COL19A1: variants seen among roughly 807,000 people sequenced by gnomAD.
COL19A1 encodes the protein collagen alpha-1(XIX) chain.
In COL19A1, 159 loss-of-function variants were observed where a neutral mutation model predicts 190.2. That is an observed-to-expected ratio of 0.84 (90% CI 0.73 to 0.95). The LOEUF (loss-of-function observed/expected upper bound fraction) is 0.95. COL19A1 is among the 40% of genes least tolerant of loss of function. The probability of loss-of-function intolerance (pLI) is 0.00; values close to 1 mark genes in which losing one functional copy is unlikely to be tolerated. For missense variants in COL19A1, 1,418 were observed against 1,431.9 expected (o/e 0.99, Z 0.16); for synonymous variants, 509 against 458.9 (o/e 1.11, Z -1.39).
chr6:69,985,063 C>A (rs751905320), intron 11 of COL19A1, among the ~76,000 whole-genome samples: 2 of 152,070 alleles, frequency 1.3e-5, no homozygotes, highest in Non-Finnish European at 2.9e-5. Context: ...TAGTTGGGAT[C>A]AGAATACAAA....
At chr6:70,190,258 T>C in intron 47 of COL19A1, 57 bp from the exon 48 acceptor site, 1 of 1,314,182 alleles carries the variant, frequency 7.6e-7, no homozygotes, top group Non-Finnish European at 1.1e-6. Context: ...AATATTTCTA[T>C]TCTTTATTCA....
At chr6:70,172,454 G>A (rs922261604) in intron 41 of COL19A1, among the ~76,000 whole-genome samples, 3 of 152,026 alleles carry the variant, frequency 2.0e-5, no homozygotes, top group South Asian at 4.2e-4. Flanking sequence ...GGAGATAGTC[G>A]TAGGAGATGA....
intron 4 of COL19A1, among the ~76,000 whole-genome samples, chr6:69,903,027 G>T (rs1770290638): frequency 6.6e-6 from 1 of 152,184 alleles, no homozygotes; most frequent in Non-Finnish European, 1.5e-5. Flanking sequence ...CCCTACATGG[G>T]TCAGTGACTA....
intron 16 of COL19A1, among the ~76,000 whole-genome samples, chr6:70,103,952 A>T (rs1783796044): frequency 6.6e-6 from 1 of 152,188 alleles, no homozygotes; most frequent in Non-Finnish European, 1.5e-5. Flanking sequence ...AATTAAAACC[A>T]GGTAAGTGAC....
chr6:69,994,827 T>C (rs1376388667), intron 11 of COL19A1, among the ~76,000 whole-genome samples: 2 of 152,058 alleles, frequency 1.3e-5, no homozygotes, highest in East Asian at 3.9e-4. Context: ...CTCTATCCAT[T>C]TGCATCTGAG....
intron 11 of COL19A1, among the ~76,000 whole-genome samples, chr6:69,972,643 T>G (rs889385246): frequency 6.7e-6 from 1 of 150,188 alleles, no homozygotes; most frequent in Non-Finnish European, 1.5e-5. Context: ...TAATTTTACA[T>G]GTATGGCCCT....
intron 40 of COL19A1, among the ~76,000 whole-genome samples, chr6:70,168,995 T>C (rs1765336006): frequency 6.6e-6 from 1 of 152,142 alleles, no homozygotes; most frequent in African/African-American, 2.4e-5. Flanking sequence ...TTCTGATAAT[T>C]GATTCAATTT....
At chr6:70,179,783 T>C (rs1766048047) in intron 42 of COL19A1, among the ~76,000 whole-genome samples, 1 of 152,166 alleles carries the variant, frequency 6.6e-6, no homozygotes, top group South Asian at 2.1e-4. Flanking sequence ...TCCACACAAA[T>C]ATATATTCGA....
chr6:70,027,866 A>G (rs1778813066), intron 12 of COL19A1, among the ~76,000 whole-genome samples: 1 of 152,124 alleles, frequency 6.6e-6, no homozygotes, highest in Non-Finnish European at 1.5e-5. Context: ...TGTAATTGTG[A>G]TCTTTAAAGC....
At chr6:69,967,953 G>C (rs186481131) in intron 11 of COL19A1, among the ~76,000 whole-genome samples, 22 of 151,688 alleles carry the variant, frequency 1.5e-4, no homozygotes, top group Middle Eastern at 3.4e-3. Context: ...AGTACACTTT[G>C]CTACCCACAA....
At chr6:70,049,346 A>C (rs1366434279) in intron 14 of COL19A1, among the ~76,000 whole-genome samples, 1 of 151,968 alleles carries the variant, frequency 6.6e-6, no homozygotes, top group African/African-American at 2.4e-5. Flanking sequence ...TAAGTGAATT[A>C]GTTGATTAAA....
intron 15 of COL19A1, among the ~76,000 whole-genome samples, chr6:70,091,615 T>C (rs1345065120): frequency 1.3e-5 from 2 of 152,156 alleles, no homozygotes; most frequent in Non-Finnish European, 2.9e-5. Context: ...GAGTTGGTTA[T>C]GTGAGTTTTG....
intron 16 of COL19A1, among the ~76,000 whole-genome samples, chr6:70,117,242 G>A (rs3806032): frequency 0.51 from 77,641 of 152,026 alleles, 21,259 homozygotes; most frequent in African/African-American, 0.71. Context: ...TTGCTCTTTA[G>A]GCTAAGTATA....
intron 41 of COL19A1, among the ~76,000 whole-genome samples, chr6:70,175,090 A>T (rs1765723777): frequency 6.6e-6 from 1 of 152,234 alleles, no homozygotes; most frequent in Non-Finnish European, 1.5e-5. Flanking sequence ...AAATTTTGTA[A>T]TTCAAAAGGA....
chr6:69,964,207 T>C (rs951126683), intron 11 of COL19A1, among the ~76,000 whole-genome samples: 3 of 152,178 alleles, frequency 2.0e-5, no homozygotes, highest in Non-Finnish European at 4.4e-5. Context: ...GTACACATGT[T>C]ACAAACTACA....
intron 11 of COL19A1, among the ~76,000 whole-genome samples, chr6:69,999,086 G>A (rs942787455): frequency 1.3e-5 from 2 of 149,672 alleles, no homozygotes; most frequent in African/African-American, 2.5e-5. Flanking sequence ...CACCACACTC[G>A]GATAATTGTT....
At chr6:69,890,839 A>T (rs1769296922) in intron 2 of COL19A1, 3 of 154,502 alleles carry the variant, frequency 1.9e-5, no homozygotes, top group African/African-American at 7.2e-5. Flanking sequence ...TTCTCCAAGG[A>T]CCCCCTCCCA....
At chr6:70,180,056 T>C (rs1189756217) in intron 42 of COL19A1, among the ~76,000 whole-genome samples, 1 of 152,066 alleles carries the variant, frequency 6.6e-6, no homozygotes, top group Non-Finnish European at 1.5e-5. Context: ...GTAATTTTTG[T>C]ATTATTTTTA....
intron 14 of COL19A1, among the ~76,000 whole-genome samples, chr6:70,065,304 C>T (rs974589544): frequency 1.9e-4 from 29 of 152,220 alleles, no homozygotes; most frequent in African/African-American, 6.0e-4. Flanking sequence ...AATAATACCA[C>T]ACATCTACAA....
Sources: gnomAD v4.1 joint callset for allele counts (sites outside exome capture counted in the v4.1 genomes callset) on GRCh38, gnomAD v4.1.1 for gene constraint, MANE v1.5 for transcripts, NCBI Gene and HGNC (gene_info 2026-07-23, HGNC 2026-07-21) for gene names.